The following STK33 variants were observed in gnomAD, a reference collection of about 807,000 sequenced individuals.
STK33 encodes serine/threonine-protein kinase 33.
In STK33, 52 loss-of-function variants were observed where a neutral mutation model predicts 58.0. The observed-to-expected ratio is 0.90, with a 90% CI of 0.72 to 1.13. The LOEUF (loss-of-function observed/expected upper bound fraction) is 1.13, where lower values mean the gene tolerates loss of function less well. STK33 is among the 50% of genes most tolerant of loss of function. STK33 has a pLI of 0.00. For missense variants in STK33, 630 were observed against 604.2 expected (o/e 1.04, Z -0.45); for synonymous variants, 215 against 200.1 (o/e 1.07, Z -0.63).
intron 14 of STK33, among the ~76,000 whole-genome samples, chr11:8,433,175 A>C (rs1204137842): frequency 6.6e-6 from 1 of 152,222 alleles, no homozygotes; most frequent in Non-Finnish European, 1.5e-5. Flanking sequence ...GTTGCACAGA[A>C]TCCTTTGAGA....
intron 1 of STK33, among the ~76,000 whole-genome samples, chr11:8,541,941 C>G (rs1955552080): frequency 6.6e-6 from 1 of 152,140 alleles, no homozygotes; most frequent in South Asian, 2.1e-4. Flanking sequence ...TCTCTCATAA[C>G]TTCAGAAGAA....
rs774416927 is a variant in STK33, at chr11:8,461,903, T to A, written c.460A>T (p.Ser154Cys). Residue 154 changes from serine (S) to cysteine (C), a missense_variant, in exon 8 of 16, where the codon AGC becomes TGC. Physicochemically the swap from Ser to Cys is moderately radical, Grantham distance 112 (BLOSUM62 -1). Transcript: ENST00000687296. ...IKKVNKEKAG[S>C]SAVKLLEREV... ...CGTTCAAGTAACTTCACAGCAGAGC[T>A]TCCAGCCTTAATCAATGAAGAAACA... The A allele has an allele frequency of 6.3e-7, 1 of 1,587,386 alleles. No individual in the cohort carries two copies. The highest frequency in any genetic ancestry group is 1.8e-5 in the Admixed American group (1 of 54,884).
intron 11 of STK33, among the ~76,000 whole-genome samples, chr11:8,441,399 T>G (rs1257287135): frequency 2.0e-5 from 3 of 152,044 alleles, no homozygotes; most frequent in Non-Finnish European, 1.5e-5. Flanking sequence ...TTGTCCAGGC[T>G]GGAGTGCAGT....
At chr11:8,506,761 C>G (rs946904793) in intron 1 of STK33, among the ~76,000 whole-genome samples, 1 of 152,138 alleles carries the variant, frequency 6.6e-6, no homozygotes, top group African/African-American at 2.4e-5. Context: ...CCACAAGCTC[C>G]TTTATGGCCA....
rs750208225 is a variant in STK33, at chr11:8,436,189, A to G, written c.948-50T>C. The G allele has an allele frequency of 5.3e-6, 6 of 1,134,482 alleles. No individual in the cohort carries two copies. In the Admixed American group the frequency reaches 1.3e-4, roughly 24 times the overall value. The allele number at this position is 1,134,482 out of a possible 1,614,324, so 70.3% of individuals were successfully genotyped here. ...TTAAATTTTTTAAATAATAAAAATAAGCCTATTAAAATTAAGTTTCCATAG... is the reference window on the plus strand; with the variant it reads ...TTAAATTTTTTAAATAATAAAAATAGGCCTATTAAAATTAAGTTTCCATAG... On this transcript the variant is annotated intron_variant, in intron 12 of 15. Coordinates refer to ENST00000687296, the MANE Select transcript of STK33 (RefSeq NM_001352389.2).
At chr11:8,571,403 A>G (rs952117824) in intron 1 of STK33, among the ~76,000 whole-genome samples, 1 of 152,254 alleles carries the variant, frequency 6.6e-6, no homozygotes, top group African/African-American at 2.4e-5. Context: ...TACTAGGGAT[A>G]GGCGAGGGGA....
At chr11:8,468,726 T>A (rs1377702554) in intron 6 of STK33, among the ~76,000 whole-genome samples, 1 of 152,300 alleles carries the variant, frequency 6.6e-6, no homozygotes, top group Non-Finnish European at 1.5e-5. Flanking sequence ...AGAATTAAAG[T>A]CAGAAAACTT....
At position 8,413,531 on chromosome 11, in the gene STK33, A is replaced by C. The variant is rs3751096; in HGVS notation, c.1308T>G (p.Asp436Glu). Residue 436 changes from aspartate to glutamate, a missense_variant, in exon 15 of 16, where the codon GAT becomes GAG. Physicochemically the swap from Asp to Glu is conservative, Grantham distance 45. Coordinates refer to ENST00000687296, the MANE Select transcript of STK33 (RefSeq NM_001352389.2). ...KSYQPWGNVP[D>E]ANYTSDEEEE... is the part of the protein sequence containing the mutation. ...CCTCTTCATCTGAAGTGTAATTGGC[A>C]TCAGGGACATTTCCCCAGGGTTGGT... 0.24 allele frequency: 388,229 copies of C among 1,613,052 alleles called. 48,626 individuals are homozygous for C. The highest frequency in any genetic ancestry group is 0.35 in the South Asian group (31,894 of 91,044).
chr11:8,419,803 T>C (rs1488814810), intron 14 of STK33, among the ~76,000 whole-genome samples: 1 of 152,144 alleles, frequency 6.6e-6, no homozygotes, highest in Admixed American at 6.6e-5. Context: ...TTGTGTAAAG[T>C]ATCTACATAA....
At chr11:8,471,752 T>C (rs1948801295) in intron 6 of STK33, among the ~76,000 whole-genome samples, 1 of 152,132 alleles carries the variant, frequency 6.6e-6, no homozygotes, top group African/African-American at 2.4e-5. Context: ...GGAAAAATGT[T>C]AAAGAAAAAT....
chr11:8,553,672 T>C (rs879589300), intron 1 of STK33, among the ~76,000 whole-genome samples: 9 of 152,228 alleles, frequency 5.9e-5, no homozygotes, highest in Admixed American at 5.9e-4. Flanking sequence ...GATGTTTTTT[T>C]TTACAAAGGT....
At chr11:8,581,565 A>G (rs2030270699) in intron 1 of STK33, among the ~76,000 whole-genome samples, 1 of 152,190 alleles carries the variant, frequency 6.6e-6, no homozygotes, top group African/African-American at 2.4e-5. Flanking sequence ...AGACTTAGGA[A>G]AAGACACCAA....
the STK33 span, among the ~76,000 whole-genome samples, chr11:8,360,366 G>A: frequency 1.3e-5 from 2 of 152,342 alleles, no homozygotes; most frequent in African/African-American, 4.8e-5. Flanking sequence ...AACCATCAAA[G>A]GAGCACGAGA....
intron 1 of STK33, among the ~76,000 whole-genome samples, chr11:8,512,014 T>C (rs916716929): frequency 1.3e-5 from 2 of 152,198 alleles, no homozygotes; most frequent in Non-Finnish European, 2.9e-5. Flanking sequence ...GGATTAAATG[T>C]GCAAATGATT....
intron 12 of STK33, among the ~76,000 whole-genome samples, chr11:8,438,760 G>A (rs1944373685): frequency 6.6e-6 from 1 of 152,156 alleles, no homozygotes; most frequent in Non-Finnish European, 1.5e-5. Context: ...TAGGATGTTT[G>A]ACTCATGGTT....
chr11:8,519,177 AT>A (rs1206671888), intron 1 of STK33, among the ~76,000 whole-genome samples: 2 of 152,260 alleles, frequency 1.3e-5, no homozygotes, highest in African/African-American at 4.8e-5. Context: ...AGAACTCAGG[AT>A]TAAGAAACTC....
intron 14 of STK33, among the ~76,000 whole-genome samples, chr11:8,422,700 T>A (rs1246572881): frequency 1.3e-5 from 2 of 152,166 alleles, no homozygotes; most frequent in Admixed American, 1.3e-4. Context: ...TGTTTTCATT[T>A]TGACTGAGTT....
chr11:8,516,621 G>C (rs1952810296), intron 1 of STK33, among the ~76,000 whole-genome samples: 3 of 152,202 alleles, frequency 2.0e-5, no homozygotes, highest in Admixed American at 2.0e-4. Flanking sequence ...GAAAATCGGG[G>C]CACTCCCACC....
rs773704674 is a variant in STK33, at chr11:8,418,664, C to T, written c.1147-4972G>A. 5.3e-5 allele frequency among the ~76,000 whole-genome samples: 8 copies of T among 152,316 alleles called. No individual in the cohort carries two copies. The Middle Eastern group carries it at 0.024, about 453-fold the overall frequency. On this transcript the variant is annotated intron_variant, in intron 14 of 15. Transcript: ENST00000687296. Reference sequence around the variant, plus strand: ...TTTAGCTCTCTGAGGAATCGCCACACTGCTTCCCACAATGGTTGAACTATT... The same window carrying T: ...TTTAGCTCTCTGAGGAATCGCCACATTGCTTCCCACAATGGTTGAACTATT...
Sources: gnomAD v4.1 joint callset for allele counts (sites outside exome capture counted in the v4.1 genomes callset) on GRCh38, gnomAD v4.1.1 for gene constraint, MANE v1.5 for transcripts, NCBI Gene and HGNC (gene_info 2026-07-23, HGNC 2026-07-21) for gene names.